The following SLC47A2 variants were observed in gnomAD, a reference collection of about 807,000 sequenced individuals.
SLC47A2 encodes multidrug and toxin extrusion protein 2.
In SLC47A2, 52 loss-of-function variants were observed where a neutral mutation model predicts 67.7. The observed-to-expected ratio is 0.77, with a 90% CI of 0.61 to 0.97. The LOEUF is 0.97. SLC47A2 is among the 50% of genes least tolerant of loss of function. The pLI is 0.00. For missense variants in SLC47A2, 676 were observed against 712.3 expected (o/e 0.95, Z 0.58); for synonymous variants, 278 against 292.9 (o/e 0.95, Z 0.52).
intron 5 of SLC47A2, among the ~76,000 whole-genome samples, chr17:19,709,597 C>G (rs2086042624): frequency 6.6e-6 from 1 of 151,806 alleles, no homozygotes; most frequent in Non-Finnish European, 1.5e-5. Context: ...TGTGTGTGTA[C>G]TTAATATACA....
chr17:19,700,014 G>C (rs968204551), intron 13 of SLC47A2, among the ~76,000 whole-genome samples: 1 of 152,180 alleles, frequency 6.6e-6, no homozygotes, highest in Non-Finnish European at 1.5e-5. Context: ...AGGAGAAGCA[G>C]CCAGACACAG....
chr17:19,684,899 G>A (rs1383912902), intron 13 of SLC47A2, among the ~76,000 whole-genome samples: 1 of 151,978 alleles, frequency 6.6e-6, no homozygotes, highest in African/African-American at 2.4e-5. Context: ...AGCCTGGACT[G>A]TACTGCCATG....
At chr17:19,678,996 G>T in intron 16 of SLC47A2, 90 bp from the exon 17 acceptor site, 1 of 1,099,010 alleles carries the variant, frequency 9.1e-7, no homozygotes, top group Non-Finnish European at 1.4e-6. Flanking sequence ...TTAACCACCT[G>T]GCTGTGTTTG....
intron 13 of SLC47A2, among the ~76,000 whole-genome samples, chr17:19,687,425 G>A (rs1292573541): frequency 6.6e-6 from 1 of 151,940 alleles, no homozygotes; most frequent in Non-Finnish European, 1.5e-5. Flanking sequence ...TCTGTGTCCT[G>A]TGAGGCCAGC....
chr17:19,696,053 C>G (rs552695993), intron 13 of SLC47A2, among the ~76,000 whole-genome samples: 2 of 140,838 alleles, frequency 1.4e-5, no homozygotes, highest in Non-Finnish European at 3.2e-5. Context: ...ACTCTCAGTA[C>G]CTGTGAATGT....
chr17:19,701,925 AC>A (rs2085796025), intron 13 of SLC47A2, among the ~76,000 whole-genome samples: 1 of 152,086 alleles, frequency 6.6e-6, no homozygotes, highest in African/African-American at 2.4e-5. Flanking sequence ...TCATAGTGTG[AC>A]CCTGTCTCTA....
At chr17:19,696,460 CAAAA>C (rs35606212) in intron 13 of SLC47A2, among the ~76,000 whole-genome samples, 3 of 110,752 alleles carry the variant, frequency 2.7e-5, no homozygotes, top group Non-Finnish European at 1.9e-5. Context: ...GACTCCATCT[CAAAA>C]AAAAAAAAAA....
At chr17:19,693,617 T>A (rs1023236142) in intron 13 of SLC47A2, among the ~76,000 whole-genome samples, 14 of 148,582 alleles carry the variant, frequency 9.4e-5, no homozygotes, top group Admixed American at 6.8e-4. Flanking sequence ...CTAAAAATAA[T>A]AATAATAATA....
intron 13 of SLC47A2, among the ~76,000 whole-genome samples, chr17:19,696,015 T>C (rs147951902): frequency 0.023 from 3,458 of 151,524 alleles, 71 homozygotes; most frequent in African/African-American, 0.052. Context: ...TGAGCCACTG[T>C]GTCTGGCCAA....
In SLC47A2 at chr17:19,702,659, C is replaced by G; in HGVS notation, c.1110G>C (p.Leu370=). 6.2e-7 allele frequency: 1 copy of G among 1,613,928 alleles called. No homozygotes were observed. The highest frequency in any genetic ancestry group is 8.5e-7 in the Non-Finnish European group (1 of 1,179,978). ...IFTNDEDVIA[L]VSQVLPVYSV... ...TATAAACCGGCAAGACCTGGCTCAC[C>G]AGGGCAATGACATCTCTGCAGAAGA... Residue 370 remains leucine, a synonymous_variant, in exon 13 of 17, where the codon CTG becomes CTC. Coordinates refer to ENST00000433844, the MANE Select transcript of SLC47A2 (RefSeq NM_001099646.3).
At chr17:19,683,323 C>T (rs80104816) in intron 13 of SLC47A2, among the ~76,000 whole-genome samples, 3 of 152,166 alleles carry the variant, frequency 2.0e-5, no homozygotes, top group Admixed American at 6.5e-5. Context: ...GCCCTCCCCC[C>T]ACCAAACAAA....
intron 13 of SLC47A2, among the ~76,000 whole-genome samples, chr17:19,684,113 A>T (rs1468367080): frequency 6.6e-6 from 1 of 152,146 alleles, no homozygotes; most frequent in Non-Finnish European, 1.5e-5. Context: ...GAGTCTTGCT[A>T]TGTTACCCTG....
intron 13 of SLC47A2, among the ~76,000 whole-genome samples, chr17:19,699,546 C>A (rs183543279): frequency 1.3e-5 from 2 of 151,528 alleles, no homozygotes; most frequent in Non-Finnish European, 2.9e-5. Context: ...CCCGCCTCCC[C>A]GCCGACCCCC....
At chr17:19,680,272 A>T (rs1210561456) in intron 15 of SLC47A2, among the ~76,000 whole-genome samples, 1 of 151,976 alleles carries the variant, frequency 6.6e-6, no homozygotes, top group East Asian at 1.9e-4. Context: ...GAGCTCAGGA[A>T]TTCAAGGCCA....
At chr17:19,714,541 G>C in intron 3 of SLC47A2, 180 bp downstream of exon 3, 1 of 703,444 alleles carries the variant, frequency 1.4e-6, no homozygotes, top group Non-Finnish European at 2.5e-6. Context: ...TCTTTCAAAG[G>C]GGAGGGTCTG....
intron 13 of SLC47A2, 183 bp downstream of exon 13, chr17:19,702,422 G>T (rs1386130253): frequency 1.0e-6 from 1 of 985,252 alleles, no homozygotes; most frequent in Non-Finnish European, 1.2e-6. Flanking sequence ...AGAAGAAGAG[G>T]GAAGTCACTG....
intron 7 of SLC47A2, 37 bp from the exon 8 acceptor site, chr17:19,707,880 C>T: frequency 6.5e-7 from 1 of 1,536,448 alleles, no homozygotes; most frequent in Non-Finnish European, 8.8e-7. Context: ...CGACTGATGC[C>T]AACTCTCTGC....
At chr17:19,695,325 A>ATATACAAAC (rs1455328876) in intron 13 of SLC47A2, among the ~76,000 whole-genome samples, 1 of 151,978 alleles carries the variant, frequency 6.6e-6, no homozygotes, top group Non-Finnish European at 1.5e-5. Context: ...ATGTTTACAT[A>ATATACAAAC]TATACAAACA....
rs978679473 is a variant in SLC47A2, at chr17:19,706,680, C to G, written c.809G>C (p.Trp270Ser). Residue 270 changes from tryptophan (W) to serine (S), a missense_variant, in exon 9 of 17, where the codon TGG becomes TCG. By Grantham distance (177) the Trp-to-Ser change is radical (BLOSUM62 -3). Coordinates refer to ENST00000433844, the MANE Select transcript of SLC47A2 (RefSeq NM_001099646.3). ...VPSMLMICVE[W>S]WAYEIGSFLM... ...GAAGCTCCCGATCTCATAGGCCCACCACTCAACACAGATCATGAGCATGCT... is the reference window on the plus strand; with the variant it reads ...GAAGCTCCCGATCTCATAGGCCCACGACTCAACACAGATCATGAGCATGCT... 1.9e-6 allele frequency: 3 copies of G among 1,608,846 alleles called. No homozygotes were observed. The highest frequency in any genetic ancestry group is 2.5e-6 in the Non-Finnish European group (3 of 1,178,320).
Sources: allele counts gnomAD v4.1 joint callset (sites outside exome capture counted in the v4.1 genomes callset), GRCh38; gene constraint gnomAD v4.1.1; transcripts MANE v1.5; gene names NCBI Gene and HGNC (gene_info 2026-07-23, HGNC 2026-07-21).